SCN8A: variants seen among roughly 807,000 people sequenced by gnomAD.
SCN8A encodes the protein sodium channel protein type 8 subunit alpha.
A neutral mutation model predicts 184.1 loss-of-function variants in SCN8A; 30 were observed. The ratio of observed to expected loss-of-function variants is 0.16; its 90% confidence interval spans 0.12 to 0.22. The LOEUF (loss-of-function observed/expected upper bound fraction) is 0.22. Among genes scored for constraint, SCN8A ranks in the 10% least tolerant of loss-of-function variants. The probability of loss-of-function intolerance (pLI) is 1.00; values close to 1 mark genes in which losing one functional copy is unlikely to be tolerated. For synonymous variants in SCN8A, 852 were observed against 907.0 expected (o/e 0.94, Z 1.09); for missense variants, 1,057 against 2,498.9 (o/e 0.42, Z 12.30).
At chr12:51,723,515 C>G (rs1266544956) in intron 12 of SCN8A, among the ~76,000 whole-genome samples, 1 of 152,050 alleles carries the variant, frequency 6.6e-6, no homozygotes, top group East Asian at 1.9e-4. Context: ...ATACTCTCCC[C>G]CTTATGTTTG....
At chr12:51,756,644 A>T (rs1033838531) in intron 14 of SCN8A, among the ~76,000 whole-genome samples, 17 of 152,160 alleles carry the variant, frequency 1.1e-4, no homozygotes, top group African/African-American at 9.7e-5. Context: ...CCCAAAGCGG[A>T]TGCCTCTCCT....
intron 12 of SCN8A, among the ~76,000 whole-genome samples, chr12:51,729,590 C>A (rs1284354020): frequency 1.3e-5 from 2 of 152,038 alleles, no homozygotes; most frequent in South Asian, 2.1e-4. Flanking sequence ...CCGGTTGCTT[C>A]CAGTTTGCAA....
chr12:51,665,536 A>G (rs1409450040), intron 2 of SCN8A, among the ~76,000 whole-genome samples: 1 of 152,222 alleles, frequency 6.6e-6, no homozygotes, highest in Non-Finnish European at 1.5e-5. Context: ...CACTTTAGAT[A>G]TGTTCATTGT....
Position 51,744,752 on chromosome 12 carries a change from G to A in SCN8A, c.1999-1151G>A, listed in dbSNP as rs1023711442. ...ATGAAACACTTTGATAAGATAAATC[G>A]TAATCTGCTAGGAACTTTCTTCTGT... is the stretch of plus-strand genomic sequence containing the variant. On this transcript the variant is annotated intron_variant, in intron 12 of 26. Transcript: ENST00000627620. Among the ~76,000 whole-genome samples, 7 of 151,822 alleles carry A rather than the reference G, an allele frequency of 4.6e-5. No individual in the cohort carries two copies. In the South Asian group the frequency reaches 6.2e-4, roughly 14 times the overall value.
intron 22 of SCN8A, among the ~76,000 whole-genome samples, chr12:51,787,935 A>G (rs1289813051): frequency 6.6e-6 from 1 of 152,322 alleles, no homozygotes; most frequent in East Asian, 1.9e-4. Flanking sequence ...CACATCCACA[A>G]GCCAGTCAAA....
intron 12 of SCN8A, among the ~76,000 whole-genome samples, chr12:51,733,759 T>C (rs1942280264): frequency 6.6e-6 from 1 of 152,218 alleles, no homozygotes; most frequent in African/African-American, 2.4e-5. Flanking sequence ...TGTTAATTGG[T>C]CTGTTCAGGT....
chr12:51,592,761 T>G (rs1362962623), intron 1 of SCN8A, among the ~76,000 whole-genome samples: 3 of 151,884 alleles, frequency 2.0e-5, no homozygotes, highest in Admixed American at 6.6e-5. Context: ...TTTATAACTG[T>G]TTTCCCAAGT....
chr12:51,674,292 A>G (rs2138690456), intron 2 of SCN8A, among the ~76,000 whole-genome samples: 1 of 152,170 alleles, frequency 6.6e-6, no homozygotes, highest in Non-Finnish European at 1.5e-5. Flanking sequence ...TGTGCCAAGT[A>G]TGTGGATCCA....
rs1036366957 is a variant in SCN8A at position 51,790,735 on chromosome 12, A to G, written c.4524+233A>G. Among the ~76,000 whole-genome samples the G allele has an allele frequency of 2.0e-4, 31 of 152,340 alleles. 1 individual carries two copies. Among genetic ancestry groups the G allele is most frequent in the African/African-American group, 6.7e-4 (28 of 41,580 alleles). ...CTGAGCCTTCCTTGGGCAGCCACCA[A>G]GAATCAGCATGTGAACCACATTGGC... On this transcript the variant is annotated intron_variant, in intron 25 of 26. Transcript: ENST00000627620.
At chr12:51,602,921 CAA>C (rs1220116921) in intron 1 of SCN8A, among the ~76,000 whole-genome samples, 5 of 152,272 alleles carry the variant, frequency 3.3e-5, no homozygotes, top group African/African-American at 1.2e-4. Flanking sequence ...TCATGAATGG[CAA>C]ATATTATTTT....
At chr12:51,716,498 G>A (rs1315798902) in intron 11 of SCN8A, among the ~76,000 whole-genome samples, 4 of 152,162 alleles carry the variant, frequency 2.6e-5, no homozygotes, top group Non-Finnish European at 4.4e-5. Context: ...AAAATGGAGC[G>A]TGCACTGGAA....
intron 21 of SCN8A, 135 bp downstream of exon 21, chr12:51,780,906 C>G: frequency 8.9e-7 from 1 of 1,124,002 alleles, no homozygotes; most frequent in Non-Finnish European, 1.1e-6. Context: ...CCTCCACTCT[C>G]TCCCCCACAC....
At chr12:51,755,651 A>T (rs1211898551) in intron 14 of SCN8A, among the ~76,000 whole-genome samples, 2 of 152,044 alleles carry the variant, frequency 1.3e-5, no homozygotes, top group Admixed American at 1.3e-4. Context: ...AGAGGTGGAG[A>T]TCTGAGATCT....
chr12:51,766,360 C>T (rs1799394209), intron 16 of SCN8A: 2 of 347,982 alleles, frequency 5.7e-6, no homozygotes, highest in Non-Finnish European at 1.1e-5. Flanking sequence ...CTACAGAAGC[C>T]TTCCTTTTTC....
intron 1 of SCN8A, among the ~76,000 whole-genome samples, chr12:51,639,879 C>CATTTTTTTT (rs1940406805): frequency 6.6e-5 from 1 of 15,078 alleles, no homozygotes; most frequent in African/African-American, 2.7e-4. Context: ...AAGGTATATG[C>CATTTTTTTT]TTTTTTTTTT....
At chr12:51,685,774 G>C (rs1941409350) in intron 3 of SCN8A, among the ~76,000 whole-genome samples, 1 of 152,132 alleles carries the variant, frequency 6.6e-6, no homozygotes, top group Non-Finnish European at 1.5e-5. Flanking sequence ...TGATGGCTCA[G>C]GCCTGTAATC....
chr12:51,762,359 C>T (rs1942774729), intron 14 of SCN8A, 144 bp from the exon 15 acceptor site: 11 of 741,154 alleles, frequency 1.5e-5, no homozygotes, highest in South Asian at 1.3e-4. Flanking sequence ...GCTCATGAGA[C>T]ATCCAGGTAT....
At chr12:51,651,438 C>T (rs893991492) in intron 1 of SCN8A, among the ~76,000 whole-genome samples, 2 of 152,136 alleles carry the variant, frequency 1.3e-5, no homozygotes, top group East Asian at 1.9e-4. Context: ...CTCCTAACCT[C>T]GTGATCCATC....
In SCN8A at chr12:51,769,861, TG is replaced by T; in HGVS notation, c.3373-6del. ...CTGCCTGATCTCCCTTTTCCTTGCG[TG>T]TCTAGAAACTAGATGACACCAGCTC... On this transcript the variant is annotated splice_region_variant and splice_polypyrimidine_tract_variant and intron_variant, in intron 17 of 26. Transcript: ENST00000627620. The T allele has an allele frequency of 6.3e-7, 1 of 1,575,596 alleles. No homozygotes were observed.
Sources: gnomAD v4.1 joint callset for allele counts (sites outside exome capture counted in the v4.1 genomes callset) on GRCh38, gnomAD v4.1.1 for gene constraint, MANE v1.5 for transcripts, NCBI Gene and HGNC (gene_info 2026-07-23, HGNC 2026-07-21) for gene names.